VTI1A: variants seen among roughly 807,000 people sequenced by gnomAD.
The protein encoded by VTI1A is vesicle transport through interaction with t-SNAREs 1A.
In VTI1A, 22 loss-of-function variants were observed where a neutral mutation model predicts 34.9. The ratio of observed to expected loss-of-function variants is 0.63; its 90% CI spans 0.45 to 0.90. The LOEUF (loss-of-function observed/expected upper bound fraction) is 0.90, where lower values mean the gene tolerates loss of function less well. Among genes scored for constraint, VTI1A ranks in the 40% least tolerant of loss-of-function variants. VTI1A has a pLI of 0.00. For missense variants in VTI1A, 268 were observed against 275.6 expected (o/e 0.97, Z 0.20); for synonymous variants, 87 against 97.3 (o/e 0.89, Z 0.62).
chr10:112,737,806 T>G (rs1426756588), intron 7 of VTI1A: 1 of 1,060,616 alleles, frequency 9.4e-7, no homozygotes, highest in East Asian at 5.1e-5. Context: ...TGATTTTCTG[T>G]TGCTGAGTCA....
In VTI1A at chr10:112,777,719, A is replaced by G. The variant is rs75920583; in HGVS notation, c.561-37571A>G. On this transcript the variant is annotated intron_variant, in intron 7 of 7. Coordinates refer to ENST00000393077, the MANE Select transcript of VTI1A (RefSeq NM_145206.4). ...CCGTTTCCCGGACATTGTGGCATTC[A>G]TTCTCTGGCCTCTTCACTAAGGAAG... Among the ~76,000 whole-genome samples, 736 of 152,308 alleles carry G rather than the reference A, an allele frequency of 4.8e-3. 6 individuals carry two copies. The highest frequency in any genetic ancestry group is 0.017 in the African/African-American group (692 of 41,560).
chr10:112,525,671 A>T (rs1850198374), intron 3 of VTI1A, among the ~76,000 whole-genome samples: 1 of 152,112 alleles, frequency 6.6e-6, no homozygotes, highest in South Asian at 2.1e-4. Context: ...TTTTTTTCTT[A>T]TGTACCATCC....
intron 7 of VTI1A, among the ~76,000 whole-genome samples, chr10:112,745,669 G>C (rs1366697380): frequency 2.0e-5 from 3 of 152,170 alleles, no homozygotes; most frequent in African/African-American, 7.2e-5. Flanking sequence ...CAGCCACACC[G>C]ATGCTGTCCA....
intron 7 of VTI1A, among the ~76,000 whole-genome samples, chr10:112,784,569 C>T (rs900493034): frequency 7.2e-5 from 11 of 152,110 alleles, no homozygotes; most frequent in Non-Finnish European, 1.5e-4. Context: ...CTAAATTGGG[C>T]GATAAGTCAG....
chr10:112,497,887 A>G (rs932018798), intron 3 of VTI1A, among the ~76,000 whole-genome samples: 32 of 152,252 alleles, frequency 2.1e-4, no homozygotes, highest in African/African-American at 7.7e-4. Context: ...AACTAGTGCC[A>G]GTTTTACTTA....
the VTI1A span, among the ~76,000 whole-genome samples, chr10:112,841,938 TGGAG>T: frequency 6.6e-6 from 1 of 151,420 alleles, no homozygotes; most frequent in Admixed American, 6.6e-5. Context: ...CCAAGGCCGG[TGGAG>T]GCAAGAGAAT....
intron 3 of VTI1A, among the ~76,000 whole-genome samples, chr10:112,524,176 A>G (rs1166375175): frequency 1.3e-5 from 2 of 152,108 alleles, no homozygotes; most frequent in African/African-American, 2.4e-5. Flanking sequence ...AGGCTAAGTT[A>G]TGGTTGGGTA....
intron 5 of VTI1A, among the ~76,000 whole-genome samples, chr10:112,651,902 C>T (rs1345048671): frequency 6.6e-6 from 1 of 152,190 alleles, no homozygotes; most frequent in African/African-American, 2.4e-5. Context: ...TGGTATATTT[C>T]TGCAAACTTC....
chr10:112,557,158 A>G (rs752760094), intron 5 of VTI1A, among the ~76,000 whole-genome samples: 57 of 152,120 alleles, frequency 3.7e-4, no homozygotes, highest in South Asian at 1.4e-3. Flanking sequence ...CATATTCTTA[A>G]TAGCCTCTTT....
chr10:112,490,961 C>G (rs539828996), intron 3 of VTI1A, among the ~76,000 whole-genome samples: 129 of 152,214 alleles, frequency 8.5e-4, no homozygotes, highest in Non-Finnish European at 9.9e-4. Context: ...CCACCCTCCC[C>G]TACCAATTTC....
intron 5 of VTI1A, among the ~76,000 whole-genome samples, chr10:112,607,703 C>G (rs1439769837): frequency 1.3e-5 from 2 of 152,188 alleles, no homozygotes; most frequent in Non-Finnish European, 2.9e-5. Flanking sequence ...GACTCGGTCT[C>G]TCGGACTCAT....
intron 5 of VTI1A, among the ~76,000 whole-genome samples, chr10:112,655,131 C>T (rs144522795): frequency 9.7e-4 from 148 of 152,284 alleles, no homozygotes; most frequent in Middle Eastern, 6.8e-3. Flanking sequence ...ACTTCTTGTC[C>T]CTCCACCCCC....
intron 5 of VTI1A, among the ~76,000 whole-genome samples, chr10:112,564,117 GTTT>G (rs747104298): frequency 3.7e-5 from 5 of 136,612 alleles, no homozygotes; most frequent in African/African-American, 1.3e-4. Context: ...CCTGAAAATA[GTTT>G]TTTTTTTTTT....
At chr10:112,761,796 G>GTGTGTGTA (rs1554958842) in intron 7 of VTI1A, among the ~76,000 whole-genome samples, 1 of 147,896 alleles carries the variant, frequency 6.8e-6, no homozygotes, top group Non-Finnish European at 1.5e-5. Flanking sequence ...GTGTGTGTGT[G>GTGTGTGTA]TGTATGTATA....
chr10:112,621,678 A>T (rs554735340), intron 5 of VTI1A, among the ~76,000 whole-genome samples: 11 of 152,174 alleles, frequency 7.2e-5, no homozygotes, highest in Non-Finnish European at 1.3e-4. Flanking sequence ...CCTTCTCTGG[A>T]CCCTGTCTCT....
At chr10:112,667,407 C>A (rs1847682383) in intron 5 of VTI1A, among the ~76,000 whole-genome samples, 1 of 152,114 alleles carries the variant, frequency 6.6e-6, no homozygotes, top group Admixed American at 6.6e-5. Flanking sequence ...TGATGTCAAG[C>A]CATACCTACT....
chr10:112,849,412 G>A, the VTI1A span, among the ~76,000 whole-genome samples: 1 of 152,134 alleles, frequency 6.6e-6, no homozygotes, highest in Non-Finnish European at 1.5e-5. Context: ...ACCCCTCTAG[G>A]GAGCTGGAGC....
chr10:112,518,770 A>G (rs910150741), intron 3 of VTI1A, among the ~76,000 whole-genome samples: 3 of 151,708 alleles, frequency 2.0e-5, no homozygotes, highest in Non-Finnish European at 4.4e-5. Flanking sequence ...AGGGTGAAAC[A>G]TTGAAGATAC....
chr10:112,787,010 CATT>C (rs969809761), intron 7 of VTI1A, among the ~76,000 whole-genome samples: 18 of 152,232 alleles, frequency 1.2e-4, no homozygotes, highest in African/African-American at 4.3e-4. Context: ...TGATGTAATT[CATT>C]ATTTAAGCCA....
Sources: allele counts gnomAD v4.1 joint callset (sites outside exome capture counted in the v4.1 genomes callset), GRCh38; gene constraint gnomAD v4.1.1; transcripts MANE v1.5; gene names NCBI Gene and HGNC (gene_info 2026-07-23, HGNC 2026-07-21).